The following RBFOX1 variants were observed in gnomAD, a reference collection of about 807,000 sequenced individuals.
RBFOX1 encodes RNA binding protein fox-1 homolog 1.
RBFOX1 carries 8 observed loss-of-function variants against 57.7 expected under a neutral mutation model. The observed-to-expected ratio is 0.14, with a 90% confidence interval of 0.08 to 0.25. RBFOX1 has a LOEUF of 0.25. RBFOX1 is among the 10% of genes least tolerant of loss of function. The pLI is 1.00. For missense variants in RBFOX1, 611 were observed against 548.5 expected (o/e 1.11, Z -1.14); for synonymous variants, 326 against 222.4 (o/e 1.47, Z -4.15).
At chr16:5,250,711 C>T (rs1218466765) in intron 1 of RBFOX1, among the ~76,000 whole-genome samples, 5 of 152,138 alleles carry the variant, frequency 3.3e-5, no homozygotes, top group Non-Finnish European at 5.9e-5. Flanking sequence ...GGGTATACCA[C>T]CTTCTTCTCC....
At chr16:7,035,907 G>T (rs1272655772) in intron 3 of RBFOX1, among the ~76,000 whole-genome samples, 2 of 152,016 alleles carry the variant, frequency 1.3e-5, no homozygotes, top group East Asian at 3.9e-4. Flanking sequence ...CACATATACA[G>T]AGCAACAGTC....
At chr16:5,686,080 C>T (rs1259979957) in intron 3 of RBFOX1, among the ~76,000 whole-genome samples, 2 of 152,132 alleles carry the variant, frequency 1.3e-5, no homozygotes, top group Non-Finnish European at 2.9e-5. Context: ...TGGACAGGCT[C>T]AGAAACGATA....
At chr16:6,926,708 C>G (rs1017884263) in intron 3 of RBFOX1, among the ~76,000 whole-genome samples, 3 of 152,082 alleles carry the variant, frequency 2.0e-5, no homozygotes, top group Non-Finnish European at 4.4e-5. Flanking sequence ...CTCTTCTTCC[C>G]GTTAATTCGT....
intron 3 of RBFOX1, among the ~76,000 whole-genome samples, chr16:6,672,142 C>T (rs993888465): frequency 6.6e-6 from 1 of 152,168 alleles, no homozygotes; most frequent in African/African-American, 2.4e-5. Flanking sequence ...GCTAAGGTAA[C>T]ATTAGCTAGA....
chr16:5,836,970 C>G (rs191105074), intron 3 of RBFOX1, among the ~76,000 whole-genome samples: 2 of 152,320 alleles, frequency 1.3e-5, no homozygotes, highest in Admixed American at 1.3e-4. Context: ...AGACATGTTC[C>G]TAAGGGAAAC....
At chr16:6,267,160 A>C (rs2074608996) in intron 1 of RBFOX1, among the ~76,000 whole-genome samples, 1 of 152,116 alleles carries the variant, frequency 6.6e-6, no homozygotes, top group African/African-American at 2.4e-5. Context: ...CAAACTCTGG[A>C]TCCCAGTCAG....
intron 1 of RBFOX1, among the ~76,000 whole-genome samples, chr16:6,219,040 C>A (rs1176719578): frequency 6.6e-6 from 1 of 152,134 alleles, no homozygotes; most frequent in Non-Finnish European, 1.5e-5. Context: ...ATCTGTGGAA[C>A]AGGTACATAT....
In RBFOX1 at chr16:7,103,322, T is replaced by C. The variant is rs143374946; in HGVS notation, c.27+51224T>C. 7.7e-3 allele frequency among the ~76,000 whole-genome samples: 1,172 copies of C among 152,260 alleles called. 11 individuals carry two copies. Among genetic ancestry groups the C allele is most frequent in the Non-Finnish European group, 0.012 (849 of 68,014 alleles). On this transcript the variant is annotated intron_variant, in intron 4 of 15. Coordinates refer to ENST00000550418, the MANE Select transcript of RBFOX1 (RefSeq NM_018723.4). ...AAGTCAGTATAGCAATGAGTAATCA[T>C]TGTAGAATTGCCTATTAAGGGGCAG...
At chr16:6,904,250 G>T (rs1177586105) in intron 3 of RBFOX1, among the ~76,000 whole-genome samples, 1 of 151,896 alleles carries the variant, frequency 6.6e-6, no homozygotes, top group Non-Finnish European at 1.5e-5. Context: ...TCATTTGCAG[G>T]GACTTCTGTT....
At chr16:6,382,118 T>C (rs755383647) in intron 2 of RBFOX1, among the ~76,000 whole-genome samples, 6 of 152,236 alleles carry the variant, frequency 3.9e-5, no homozygotes, top group African/African-American at 1.2e-4. Flanking sequence ...ACTTTATTTA[T>C]GGATGCAGAA....
At chr16:6,802,698 G>T (rs2085772507) in intron 3 of RBFOX1, among the ~76,000 whole-genome samples, 1 of 152,114 alleles carries the variant, frequency 6.6e-6, no homozygotes, top group South Asian at 2.1e-4. Context: ...AAAAGTGCAT[G>T]TTATTTGATG....
At chr16:6,829,619 T>A (rs2092545338) in intron 3 of RBFOX1, among the ~76,000 whole-genome samples, 1 of 152,162 alleles carries the variant, frequency 6.6e-6, no homozygotes, top group South Asian at 2.1e-4. Flanking sequence ...TTTGTTTTTT[T>A]AAGACGGAGT....
chr16:5,866,048 AC>A (rs1408356229), intron 3 of RBFOX1, among the ~76,000 whole-genome samples: 1 of 151,756 alleles, frequency 6.6e-6, no homozygotes, highest in African/African-American at 2.4e-5. Context: ...GTTCAATGCA[AC>A]CTCTGCCTCC....
At chr16:7,139,098 A>G (rs1489036453) in intron 4 of RBFOX1, among the ~76,000 whole-genome samples, 2 of 151,762 alleles carry the variant, frequency 1.3e-5, no homozygotes, top group African/African-American at 4.8e-5. Flanking sequence ...GCCACCATGC[A>G]TGGTCAACTT....
At chr16:6,395,401 G>C (rs1218001947) in intron 2 of RBFOX1, among the ~76,000 whole-genome samples, 1 of 152,084 alleles carries the variant, frequency 6.6e-6, no homozygotes, top group Non-Finnish European at 1.5e-5. Context: ...TATAGTTATG[G>C]TCATGTTATC....
chr16:5,417,268 A>G (rs2067186042), intron 1 of RBFOX1, among the ~76,000 whole-genome samples: 1 of 152,218 alleles, frequency 6.6e-6, no homozygotes, highest in African/African-American at 2.4e-5. Flanking sequence ...GTTGAAGGAA[A>G]TCAATGTGTC....
chr16:5,338,952 C>T (rs2064967087), intron 1 of RBFOX1, among the ~76,000 whole-genome samples: 2 of 152,132 alleles, frequency 1.3e-5, no homozygotes, highest in Non-Finnish European at 2.9e-5. Flanking sequence ...GTTTTGAAAT[C>T]TGTATACATT....
chr16:6,406,886 C>G (rs576208745), intron 2 of RBFOX1, among the ~76,000 whole-genome samples: 1 of 152,154 alleles, frequency 6.6e-6, no homozygotes, highest in African/African-American at 2.4e-5. Flanking sequence ...TGTTTATATG[C>G]TGGCTGACCC....
intron 2 of RBFOX1, among the ~76,000 whole-genome samples, chr16:5,480,352 C>G (rs2069485964): frequency 6.6e-6 from 1 of 151,496 alleles, no homozygotes; most frequent in Non-Finnish European, 1.5e-5. Context: ...AACACCTCGC[C>G]CATCTATGCA....
Sources: allele counts gnomAD v4.1 joint callset (sites outside exome capture counted in the v4.1 genomes callset), GRCh38; gene constraint gnomAD v4.1.1; transcripts MANE v1.5; gene names NCBI Gene and HGNC (gene_info 2026-07-23, HGNC 2026-07-21).